The following SAMMSON variants were observed in gnomAD, a reference collection of about 807,000 sequenced individuals.
SAMMSON encodes the protein long intergenic non-protein coding RNA 1212.
In SAMMSON at chr3:70,201,407, A is replaced by G. The variant is rs141606198; in HGVS notation, n.508-47700A>G. ...CTTTTTTACAGCTGTGTAGTTCTCC[A>G]TGGTATATATGTACCACATTTTCTT... On this transcript the variant is annotated intron_variant and non_coding_transcript_variant, in intron 4 of 9. Coordinates refer to ENST00000642114, the Ensembl canonical transcript of SAMMSON. 3.6e-3 allele frequency among the ~76,000 whole-genome samples: 545 copies of G among 152,090 alleles called. 9 individuals are homozygous for G. The highest frequency in any genetic ancestry group is 0.032 in the Admixed American group (487 of 15,284).
At chr3:70,322,987 A>G (rs1331470321) in intron 7 of SAMMSON, among the ~76,000 whole-genome samples, 2 of 152,114 alleles carry the variant, frequency 1.3e-5, no homozygotes, top group Non-Finnish European at 2.9e-5. Flanking sequence ...AATTTTAGGG[A>G]GCAAAGATTA....
At chr3:70,384,522 G>T (rs771426495) in intron 9 of SAMMSON, among the ~76,000 whole-genome samples, 2 of 151,912 alleles carry the variant, frequency 1.3e-5, no homozygotes, top group Non-Finnish European at 2.9e-5. Context: ...CTCTCCTCCG[G>T]ACATAAAACT....
chr3:70,009,533 T>C (rs2066944660), intron 1 of SAMMSON, among the ~76,000 whole-genome samples: 1 of 152,204 alleles, frequency 6.6e-6, no homozygotes, highest in African/African-American at 2.4e-5. Flanking sequence ...TCTCTTTTCT[T>C]CTTTATTAGT....
intron 4 of SAMMSON, among the ~76,000 whole-genome samples, chr3:70,238,761 T>C (rs983577720): frequency 6.6e-6 from 1 of 152,138 alleles, no homozygotes; most frequent in African/African-American, 2.4e-5. Context: ...TGTCTCCATC[T>C]GGACATCCTA....
At chr3:70,032,335 T>C (rs1053948290) in intron 3 of SAMMSON, among the ~76,000 whole-genome samples, 1 of 152,214 alleles carries the variant, frequency 6.6e-6, no homozygotes, top group Non-Finnish European at 1.5e-5. Flanking sequence ...AGCCACTTGC[T>C]TAAATTATTT....
intron 4 of SAMMSON, among the ~76,000 whole-genome samples, chr3:70,203,404 T>A (rs1053139460): frequency 6.6e-6 from 1 of 152,154 alleles, no homozygotes; most frequent in Non-Finnish European, 1.5e-5. Flanking sequence ...TGAATGCCTT[T>A]CTCTAGCTGG....
chr3:70,217,119 A>G (rs1230926254), intron 4 of SAMMSON, among the ~76,000 whole-genome samples: 2 of 152,096 alleles, frequency 1.3e-5, no homozygotes, highest in African/African-American at 2.4e-5. Context: ...CTTGACCAAA[A>G]TGCTGCCTAA....
At chr3:70,101,786 G>T (rs552231827) in intron 4 of SAMMSON, among the ~76,000 whole-genome samples, 21 of 152,114 alleles carry the variant, frequency 1.4e-4, no homozygotes, top group African/African-American at 1.9e-4. Flanking sequence ...GACCAAAAAG[G>T]TTAAGTGGCT....
At chr3:70,233,856 A>G (rs1701584778) in intron 4 of SAMMSON, among the ~76,000 whole-genome samples, 1 of 152,216 alleles carries the variant, frequency 6.6e-6, no homozygotes, top group Admixed American at 6.5e-5. Context: ...AGTTGCATGA[A>G]TATACCTTAA....
chr3:70,332,449 T>C (rs955900479), intron 7 of SAMMSON, among the ~76,000 whole-genome samples: 8 of 152,284 alleles, frequency 5.3e-5, no homozygotes, highest in African/African-American at 1.9e-4. Context: ...TCCACTCTTC[T>C]TGTGGATGTC....
At chr3:70,418,224 T>A (rs1348310549) in intron 2 of SAMMSON, among the ~76,000 whole-genome samples, 1 of 152,164 alleles carries the variant, frequency 6.6e-6, no homozygotes, top group Non-Finnish European at 1.5e-5. Context: ...TTTCCTCCCA[T>A]AAGTAACGTA....
intron 3 of SAMMSON, among the ~76,000 whole-genome samples, chr3:70,040,396 G>A (rs898237844): frequency 1.3e-5 from 2 of 152,108 alleles, no homozygotes; most frequent in African/African-American, 4.8e-5. Flanking sequence ...TGTGCCCAGG[G>A]TCACCAGTCT....
intron 2 of SAMMSON, among the ~76,000 whole-genome samples, chr3:70,408,880 G>T (rs1472046419): frequency 6.6e-6 from 1 of 152,120 alleles, no homozygotes; most frequent in Non-Finnish European, 1.5e-5. Context: ...AGGAAGAAAA[G>T]GTGGTTTAAT....
chr3:70,313,128 A>G (rs1307743280), intron 7 of SAMMSON, among the ~76,000 whole-genome samples: 1 of 152,172 alleles, frequency 6.6e-6, no homozygotes, highest in Non-Finnish European at 1.5e-5. Flanking sequence ...GTTTGGAATA[A>G]CATTCCAAAG....
intron 6 of SAMMSON, among the ~76,000 whole-genome samples, chr3:70,261,144 AT>A (rs1214622671): frequency 2.0e-5 from 3 of 152,186 alleles, no homozygotes; most frequent in Non-Finnish European, 4.4e-5. Flanking sequence ...AGCAGATAAT[AT>A]TGTATTTCAG....
chr3:70,317,486 T>G (rs1017118292), intron 7 of SAMMSON, among the ~76,000 whole-genome samples: 1 of 151,840 alleles, frequency 6.6e-6, no homozygotes, highest in Non-Finnish European at 1.5e-5. Context: ...ATACAAACTG[T>G]TTTTTTGTCT....
At chr3:70,400,325 A>C (rs138268666) in intron 2 of SAMMSON, among the ~76,000 whole-genome samples, 1 of 152,162 alleles carries the variant, frequency 6.6e-6, no homozygotes, top group Non-Finnish European at 1.5e-5. Flanking sequence ...TGGATCCCTC[A>C]TGAACGGATC....
chr3:70,250,411 TCA>T (rs61355248), intron 6 of SAMMSON, among the ~76,000 whole-genome samples: 3,807 of 124,864 alleles, frequency 0.03, 165 homozygotes, highest in African/African-American at 0.1. Flanking sequence ...TTAATGAATC[TCA>T]CACACACACA....
intron 9 of SAMMSON, among the ~76,000 whole-genome samples, chr3:70,383,642 T>A (rs1703092740): frequency 6.6e-6 from 1 of 151,966 alleles, no homozygotes; most frequent in Admixed American, 6.6e-5. Context: ...TCCCAAAAAC[T>A]GTTGTGTAAT....
Sources: allele counts gnomAD v4.1 joint callset (sites outside exome capture counted in the v4.1 genomes callset), GRCh38; gene constraint gnomAD v4.1.1; transcripts MANE v1.5; gene names NCBI Gene and HGNC (gene_info 2026-07-23, HGNC 2026-07-21).